Variants in SLC35F3 observed in about 807,000 individuals in gnomAD.
SLC35F3 encodes the protein solute carrier family 35 member F3, also known as putative thiamine transporter SLC35F3.
In SLC35F3, 25 loss-of-function variants were observed where a neutral mutation model predicts 49.9. The ratio of observed to expected loss-of-function variants is 0.50; its 90% CI spans 0.37 to 0.70. The LOEUF (loss-of-function observed/expected upper bound fraction) is 0.70, where lower values mean the gene tolerates loss of function less well. Ranked by LOEUF, SLC35F3 falls within the 30% of genes least tolerant of loss-of-function variation. The probability of loss-of-function intolerance (pLI) is 0.00; values close to 1 mark genes in which losing one functional copy is unlikely to be tolerated. For synonymous variants in SLC35F3, 275 were observed against 265.4 expected (o/e 1.04, Z -0.35); for missense variants, 525 against 639.8 (o/e 0.82, Z 1.94).
Position 234,146,481 on chromosome 1 carries a change from CTTTTTTTT to C in SLC35F3, c.284-84919_284-84912del, listed in dbSNP as rs869146212. ...AATAAAAGTTACCAAGATATTTGCT[CTTTTTTTT>C]TTTTTTTTTTTTTTTTCTGGAGACG... On this transcript the variant is annotated intron_variant, in intron 2 of 7. Coordinates refer to ENST00000366618, the MANE Select transcript of SLC35F3 (RefSeq NM_173508.4). 1.4e-4 allele frequency among the ~76,000 whole-genome samples: 10 copies of C among 74,040 alleles called. 1 individual carries two copies. The highest frequency in any genetic ancestry group is 2.4e-3 in the East Asian group (2 of 850). 48.6% of individuals were successfully genotyped at this position (74,040 alleles called of 152,430 possible).
intron 3 of SLC35F3, among the ~76,000 whole-genome samples, chr1:234,282,368 G>C (rs1572133677): frequency 6.6e-6 from 1 of 152,166 alleles, no homozygotes; most frequent in Non-Finnish European, 1.5e-5. Context: ...AGATGGGGCT[G>C]GACCCTGAAA....
chr1:234,135,171 G>A (rs6688304), intron 2 of SLC35F3, among the ~76,000 whole-genome samples: 31,246 of 152,092 alleles, frequency 0.21, 4,332 homozygotes, highest in East Asian at 0.75. Flanking sequence ...TAGGTGGAAA[G>A]GCTATACAGT....
At chr1:234,085,556 A>G (rs4345854) in intron 2 of SLC35F3, among the ~76,000 whole-genome samples, 130,534 of 152,196 alleles carry the variant, frequency 0.86, 56,167 homozygotes, top group East Asian at 0.97. Flanking sequence ...CAATCTTGAG[A>G]TGTAATTTGT....
At chr1:234,059,047 T>C (rs1158660427) in intron 2 of SLC35F3, among the ~76,000 whole-genome samples, 1 of 152,182 alleles carries the variant, frequency 6.6e-6, no homozygotes, top group Non-Finnish European at 1.5e-5. Flanking sequence ...TTCTAATCAT[T>C]TGAGTTTTCT....
rs146955762 is a variant in SLC35F3 at position 234,060,014 on chromosome 1, T to C, written c.283+154256T>C. 5.3e-5 allele frequency among the ~76,000 whole-genome samples: 8 copies of C among 152,360 alleles called. No homozygotes were observed. The East Asian group carries it at 1.3e-3, about 26-fold the overall frequency. ...CCCTTACAGATACACCCAAGATCAA[T>C]ATTGCATCCTTCAATCTAATCAAGT... On this transcript the variant is annotated intron_variant, in intron 2 of 7. Coordinates refer to ENST00000366618, the MANE Select transcript of SLC35F3 (RefSeq NM_173508.4).
At chr1:234,205,964 A>G (rs1387366293) in intron 2 of SLC35F3, among the ~76,000 whole-genome samples, 1 of 152,042 alleles carries the variant, frequency 6.6e-6, no homozygotes, top group African/African-American at 2.4e-5. Flanking sequence ...CTATGTTGGG[A>G]GGAAGGACCT....
chr1:234,233,859 GT>G (rs1283771229), intron 3 of SLC35F3, among the ~76,000 whole-genome samples: 3 of 150,692 alleles, frequency 2.0e-5, no homozygotes, highest in African/African-American at 7.3e-5. Flanking sequence ...GTTTTGTTTT[GT>G]TTTTTGTTTG....
chr1:234,230,815 AAAGT>A (rs1667355576), intron 2 of SLC35F3, among the ~76,000 whole-genome samples: 1 of 152,210 alleles, frequency 6.6e-6, no homozygotes. Context: ...AGCAGATAGA[AAAGT>A]AAGAGTGGCG....
chr1:234,000,781 G>A (rs1663538732), intron 2 of SLC35F3, among the ~76,000 whole-genome samples: 2 of 152,178 alleles, frequency 1.3e-5, no homozygotes, highest in Non-Finnish European at 2.9e-5. Flanking sequence ...CCCTTTGTCA[G>A]GGCTTGTAGG....
At chr1:233,992,034 C>A (rs1166407359) in intron 2 of SLC35F3, among the ~76,000 whole-genome samples, 1 of 152,054 alleles carries the variant, frequency 6.6e-6, no homozygotes, top group Non-Finnish European at 1.5e-5. Context: ...CGAGTAAATG[C>A]AGGAATTTGT....
At chr1:234,246,604 T>C (rs1667635244) in intron 3 of SLC35F3, among the ~76,000 whole-genome samples, 1 of 152,242 alleles carries the variant, frequency 6.6e-6, no homozygotes, top group Admixed American at 6.5e-5. Flanking sequence ...CCCTTCTGAA[T>C]AGGTGAAGTA....
At chr1:234,238,075 G>A (rs1353503861) in intron 3 of SLC35F3, among the ~76,000 whole-genome samples, 3 of 152,150 alleles carry the variant, frequency 2.0e-5, no homozygotes, top group African/African-American at 7.2e-5. Context: ...TACAGTTGAT[G>A]TTTTTGTTGT....
intron 2 of SLC35F3, among the ~76,000 whole-genome samples, chr1:233,974,864 T>C (rs1663054302): frequency 6.6e-6 from 1 of 152,234 alleles, no homozygotes; most frequent in Non-Finnish European, 1.5e-5. Context: ...GAGATCATAA[T>C]GTTGGAGGGA....
intron 2 of SLC35F3, among the ~76,000 whole-genome samples, chr1:234,076,039 TG>T (rs1423124007): frequency 1.3e-5 from 2 of 152,208 alleles, no homozygotes; most frequent in African/African-American, 4.8e-5. Flanking sequence ...TATTTTCTTC[TG>T]GGTATGTTCT....
intron 2 of SLC35F3, among the ~76,000 whole-genome samples, chr1:234,048,270 A>C (rs1156459286): frequency 6.6e-6 from 1 of 152,214 alleles, no homozygotes; most frequent in Non-Finnish European, 1.5e-5. Context: ...GAAATTTCTC[A>C]GCATTTGTAT....
rs997495399 is a variant in SLC35F3, at chr1:233,933,352, A to G, written c.283+27594A>G. Reference sequence around the variant, plus strand: ...TTTTTTACTAAAAAGTTATTTTTTAACTTTTTTTTTCTTAAAGACAGGGTC... The same window carrying G: ...TTTTTTACTAAAAAGTTATTTTTTAGCTTTTTTTTTCTTAAAGACAGGGTC... On this transcript the variant is annotated intron_variant, in intron 2 of 7. Coordinates refer to ENST00000366618, the MANE Select transcript of SLC35F3 (RefSeq NM_173508.4). 7.9e-5 allele frequency among the ~76,000 whole-genome samples: 12 copies of G among 152,082 alleles called. No individual in the cohort carries two copies. In the East Asian group the frequency reaches 2.3e-3, roughly 29 times the overall value.
chr1:234,082,696 T>C (rs1002672621), intron 2 of SLC35F3, among the ~76,000 whole-genome samples: 3 of 152,184 alleles, frequency 2.0e-5, no homozygotes, highest in African/African-American at 7.2e-5. Context: ...CACAGTTTCA[T>C]GTGGCTGGGG....
intron 3 of SLC35F3, among the ~76,000 whole-genome samples, chr1:234,302,189 A>G (rs1257972146): frequency 6.6e-6 from 1 of 152,118 alleles, no homozygotes; most frequent in Non-Finnish European, 1.5e-5. Flanking sequence ...GAAGAAATTA[A>G]AAGAAAAAAG....
At chr1:234,044,400 A>G (rs1264059737) in intron 2 of SLC35F3, among the ~76,000 whole-genome samples, 1 of 152,222 alleles carries the variant, frequency 6.6e-6, no homozygotes, top group African/African-American at 2.4e-5. Context: ...TGTTACTAAC[A>G]AAGTTTTAAA....
Sources: gnomAD v4.1 joint callset for allele counts (sites outside exome capture counted in the v4.1 genomes callset) on GRCh38, gnomAD v4.1.1 for gene constraint, MANE v1.5 for transcripts, NCBI Gene and HGNC (gene_info 2026-07-23, HGNC 2026-07-21) for gene names.